The following KCND2 variants were observed in gnomAD, a reference collection of about 807,000 sequenced individuals.
KCND2 encodes potassium voltage-gated channel subfamily D member 2.
In KCND2, 16 loss-of-function variants were observed where a neutral mutation model predicts 54.4. That is an observed-to-expected ratio of 0.29 (90% CI 0.20 to 0.45). The LOEUF (loss-of-function observed/expected upper bound fraction) is 0.45, where lower values mean the gene tolerates loss of function less well. Among genes scored for constraint, KCND2 ranks in the 20% least tolerant of loss-of-function variants. The pLI, the probability that KCND2 is intolerant of heterozygous loss-of-function variation, is 1.00. For synonymous variants in KCND2, 317 were observed against 310.7 expected (o/e 1.02, Z -0.21); for missense variants, 486 against 824.2 (o/e 0.59, Z 5.02).
intron 1 of KCND2, among the ~76,000 whole-genome samples, chr7:120,346,234 C>T (rs1376463603): frequency 6.6e-6 from 1 of 152,038 alleles, no homozygotes; most frequent in East Asian, 1.9e-4. Context: ...TGGATATTAA[C>T]CCCTTATTAG....
intron 1 of KCND2, among the ~76,000 whole-genome samples, chr7:120,289,598 C>A (rs1799405685): frequency 6.6e-6 from 1 of 151,990 alleles, no homozygotes. Flanking sequence ...CTACCTTACA[C>A]TTCTACCAAA....
intron 1 of KCND2, among the ~76,000 whole-genome samples, chr7:120,282,637 T>C (rs1230701596): frequency 6.6e-6 from 1 of 152,140 alleles, no homozygotes; most frequent in African/African-American, 2.4e-5. Flanking sequence ...ACAGTTGAGA[T>C]AATGTCAAAT....
chr7:120,315,182 G>T (rs1414296620), intron 1 of KCND2, among the ~76,000 whole-genome samples: 1 of 152,094 alleles, frequency 6.6e-6, no homozygotes, highest in African/African-American at 2.4e-5. Context: ...ATCTCTCTGA[G>T]CATTTCATTA....
At chr7:120,466,098 G>A (rs1380392187) in intron 1 of KCND2, among the ~76,000 whole-genome samples, 5 of 152,208 alleles carry the variant, frequency 3.3e-5, no homozygotes, top group African/African-American at 1.2e-4. Flanking sequence ...CTAGATGTCA[G>A]TTGCAATCCC....
chr7:120,544,989 G>A (rs1792026017), intron 1 of KCND2, among the ~76,000 whole-genome samples: 1 of 151,862 alleles, frequency 6.6e-6, no homozygotes. Flanking sequence ...AGAATATTCA[G>A]TACTAGTAGT....
At chr7:120,578,290 G>T (rs1210965541) in intron 1 of KCND2, among the ~76,000 whole-genome samples, 1 of 151,498 alleles carries the variant, frequency 6.6e-6, no homozygotes, top group Non-Finnish European at 1.5e-5. Flanking sequence ...CCTGTTTCAA[G>T]AAAAAAATAA....
At chr7:120,312,693 A>G (rs1270657593) in intron 1 of KCND2, among the ~76,000 whole-genome samples, 1 of 152,130 alleles carries the variant, frequency 6.6e-6, no homozygotes, top group African/African-American at 2.4e-5. Flanking sequence ...TAATAGTTCT[A>G]GCTTAGCCTT....
chr7:120,640,456 C>G (rs985907468), intron 1 of KCND2, among the ~76,000 whole-genome samples: 11 of 151,954 alleles, frequency 7.2e-5, no homozygotes, highest in Non-Finnish European at 1.5e-4. Context: ...TTATGGAGTA[C>G]CGTATATTTA....
At chr7:120,307,025 C>T (rs1276965760) in intron 1 of KCND2, among the ~76,000 whole-genome samples, 2 of 151,980 alleles carry the variant, frequency 1.3e-5, no homozygotes, top group African/African-American at 4.8e-5. Context: ...TTAGGTCACT[C>T]TAAGGTTTTG....
intron 1 of KCND2, among the ~76,000 whole-genome samples, chr7:120,673,911 T>A (rs961829641): frequency 8.1e-5 from 12 of 148,268 alleles, no homozygotes; most frequent in African/African-American, 1.7e-4. Flanking sequence ...TTTTATTTAT[T>A]TTTTTTTTTT....
At chr7:120,417,895 C>T (rs192308762) in intron 1 of KCND2, among the ~76,000 whole-genome samples, 2 of 152,114 alleles carry the variant, frequency 1.3e-5, no homozygotes, top group African/African-American at 4.8e-5. Context: ...CTAGGCCCTG[C>T]TGTGTAGATT....
intron 1 of KCND2, among the ~76,000 whole-genome samples, chr7:120,355,761 C>A (rs1228494448): frequency 6.6e-6 from 1 of 152,086 alleles, no homozygotes. Flanking sequence ...TAAGTCAAAC[C>A]ATCATAACTA....
intron 1 of KCND2, among the ~76,000 whole-genome samples, chr7:120,315,508 T>C (rs1264363575): frequency 6.6e-6 from 1 of 152,076 alleles, no homozygotes; most frequent in African/African-American, 2.4e-5. Context: ...GACACCTACA[T>C]TGTATACTTC....
At chr7:120,691,881 T>C (rs977694118) in intron 1 of KCND2, among the ~76,000 whole-genome samples, 9 of 151,844 alleles carry the variant, frequency 5.9e-5, no homozygotes, top group African/African-American at 1.9e-4. Context: ...AGGAGGAAAA[T>C]AAGGAGAATG....
chr7:120,711,090 T>C (rs1792531444), intron 1 of KCND2, among the ~76,000 whole-genome samples: 2 of 152,156 alleles, frequency 1.3e-5, no homozygotes, highest in South Asian at 4.2e-4. Context: ...ACTATGCATA[T>C]GACACAAAAA....
At chr7:120,548,775 G>C (rs966556888) in intron 1 of KCND2, among the ~76,000 whole-genome samples, 1 of 152,142 alleles carries the variant, frequency 6.6e-6, no homozygotes, top group African/African-American at 2.4e-5. Flanking sequence ...TAGCATTTTA[G>C]TGAGTTGCAG....
At position 120,279,816 on chromosome 7, in the gene KCND2, A is replaced by G. The variant is rs143073649; in HGVS notation, c.1115+4069A>G. On this transcript the variant is annotated intron_variant, in intron 1 of 5. Transcript: ENST00000331113. Reference sequence around the variant, plus strand: ...CATATGCATATATATGATCATATCTATGATATACGATAACATTATGTTATA... The same window carrying G: ...CATATGCATATATATGATCATATCTGTGATATACGATAACATTATGTTATA... Among the ~76,000 whole-genome samples, 69 of 152,034 alleles carry G rather than the reference A, an allele frequency of 4.5e-4. 1 individual carries two copies. Among genetic ancestry groups the G allele is most frequent in the African/African-American group, 1.6e-3 (66 of 41,560 alleles).
At chr7:120,400,505 C>G (rs1195209182) in intron 1 of KCND2, among the ~76,000 whole-genome samples, 1 of 152,108 alleles carries the variant, frequency 6.6e-6, no homozygotes, top group African/African-American at 2.4e-5. Flanking sequence ...TTTTTTCAAA[C>G]TGTCTTTATA....
chr7:120,506,734 T>C (rs1394867621), intron 1 of KCND2, among the ~76,000 whole-genome samples: 5 of 151,892 alleles, frequency 3.3e-5, no homozygotes, highest in African/African-American at 1.2e-4. Context: ...TAGAATCTAG[T>C]TTTCATATAA....
Sources: allele counts gnomAD v4.1 joint callset (sites outside exome capture counted in the v4.1 genomes callset), GRCh38; gene constraint gnomAD v4.1.1; transcripts MANE v1.5; gene names NCBI Gene and HGNC (gene_info 2026-07-23, HGNC 2026-07-21).